Variants in GMDS observed in about 807,000 individuals in gnomAD.
GMDS encodes the protein GDP-mannose 4,6 dehydratase.
A neutral mutation model predicts 49.9 loss-of-function variants in GMDS; 20 were observed. The ratio of observed to expected loss-of-function variants is 0.40; its 90% confidence interval spans 0.28 to 0.58. GMDS has a LOEUF of 0.58. Among genes scored for constraint, GMDS ranks in the 20% least tolerant of loss-of-function variants. The probability of loss-of-function intolerance (pLI) is 0.42; values close to 1 mark genes in which losing one functional copy is unlikely to be tolerated. For missense variants in GMDS, 362 were observed against 481.4 expected, an observed-to-expected ratio of 0.75 and a Z score of 2.32; for synonymous variants, 177 against 178.6, an observed-to-expected ratio of 0.99 and a Z score of 0.07.
intron 4 of GMDS, among the ~76,000 whole-genome samples, chr6:2,039,820 C>T (rs1267053965): frequency 6.6e-6 from 1 of 152,070 alleles, no homozygotes; most frequent in Non-Finnish European, 1.5e-5. Context: ...TTAATATAAG[C>T]AGAAGCACAG....
At chr6:2,193,173 A>G (rs1779123505) in intron 1 of GMDS, among the ~76,000 whole-genome samples, 1 of 152,258 alleles carries the variant, frequency 6.6e-6, no homozygotes, top group South Asian at 2.1e-4. Context: ...AGACTTCTGC[A>G]TTCCTCACAA....
chr6:1,642,639 T>C (rs1218455355), intron 9 of GMDS, among the ~76,000 whole-genome samples: 1 of 152,238 alleles, frequency 6.6e-6, no homozygotes, highest in Non-Finnish European at 1.5e-5. Context: ...CGGGGTTCCA[T>C]GGTGACCATC....
chr6:2,069,193 C>T (rs1771821685), intron 4 of GMDS, among the ~76,000 whole-genome samples: 2 of 152,122 alleles, frequency 1.3e-5, no homozygotes, highest in Admixed American at 6.5e-5. Flanking sequence ...ATAAATGGTG[C>T]TGGGAAAACT....
At chr6:1,857,875 G>T (rs1758006585) in intron 7 of GMDS, among the ~76,000 whole-genome samples, 1 of 152,130 alleles carries the variant, frequency 6.6e-6, no homozygotes, top group Non-Finnish European at 1.5e-5. Context: ...TACTAAGGTA[G>T]TTGTCTATAA....
At chr6:1,695,926 T>C (rs935645119) in intron 9 of GMDS, among the ~76,000 whole-genome samples, 1 of 135,384 alleles carries the variant, frequency 7.4e-6, no homozygotes, top group Admixed American at 7.8e-5. Context: ...TTTTTTTCTT[T>C]TTTTTTTTTT....
intron 1 of GMDS, among the ~76,000 whole-genome samples, chr6:2,157,190 C>A (rs1203535306): frequency 1.3e-5 from 2 of 152,176 alleles, no homozygotes; most frequent in South Asian, 4.1e-4. Flanking sequence ...TACTTGACAT[C>A]TTATTAACAT....
chr6:1,697,730 T>C (rs1028957919), intron 9 of GMDS, among the ~76,000 whole-genome samples: 1 of 152,196 alleles, frequency 6.6e-6, no homozygotes, highest in Non-Finnish European at 1.5e-5. Flanking sequence ...GTGTTTCTGA[T>C]GCTTGTGCAA....
chr6:2,111,139 A>T (rs2127495606), intron 4 of GMDS, among the ~76,000 whole-genome samples: 1 of 152,304 alleles, frequency 6.6e-6, no homozygotes, highest in African/African-American at 2.4e-5. Flanking sequence ...GAAAATCCGG[A>T]CAGCAATTAA....
intron 6 of GMDS, among the ~76,000 whole-genome samples, chr6:1,950,308 A>G (rs1763277880): frequency 6.6e-6 from 1 of 152,186 alleles, no homozygotes; most frequent in Admixed American, 6.5e-5. Context: ...ATCAGTTCTA[A>G]CTGTTGTTTT....
intron 4 of GMDS, among the ~76,000 whole-genome samples, chr6:2,052,894 A>C (rs1770521130): frequency 1.3e-5 from 2 of 152,224 alleles, no homozygotes; most frequent in Admixed American, 1.3e-4. Context: ...GCCTCTGTCT[A>C]CACTAACACT....
At chr6:1,960,697 A>C (rs1763891099) in intron 5 of GMDS, 77 bp downstream of exon 5, 2 of 937,838 alleles carry the variant, frequency 2.1e-6, no homozygotes, top group African/African-American at 1.6e-5. Context: ...CATGAACAGA[A>C]TGAAAGGAAA....
At chr6:2,029,904 G>A (rs143013008) in intron 4 of GMDS, among the ~76,000 whole-genome samples, 146 of 152,276 alleles carry the variant, frequency 9.6e-4, no homozygotes, top group African/African-American at 3.3e-3. Flanking sequence ...TACAGGAGCA[G>A]CATGTAATAC....
chr6:1,773,363 G>A (rs970327444), intron 7 of GMDS, among the ~76,000 whole-genome samples: 10 of 151,636 alleles, frequency 6.6e-5, no homozygotes, highest in African/African-American at 2.4e-4. Flanking sequence ...GGTTATTAAC[G>A]AAAGCTCTGA....
At chr6:1,786,986 C>T (rs1212938227) in intron 7 of GMDS, among the ~76,000 whole-genome samples, 1 of 152,186 alleles carries the variant, frequency 6.6e-6, no homozygotes, top group Non-Finnish European at 1.5e-5. Context: ...GTACCCACAG[C>T]CAAGGGCCCA....
chr6:2,117,728 C>T (rs933799023), intron 2 of GMDS, among the ~76,000 whole-genome samples, 172 bp from the exon 3 acceptor site: 3 of 152,170 alleles, frequency 2.0e-5, no homozygotes, highest in Admixed American at 2.0e-4. Context: ...TACGAACATC[C>T]TACCTCTGTC....
At chr6:1,688,833 GTTTA>G (rs1346983622) in intron 9 of GMDS, among the ~76,000 whole-genome samples, 2 of 152,138 alleles carry the variant, frequency 1.3e-5, no homozygotes, top group Non-Finnish European at 2.9e-5. Context: ...AGGAATGTGA[GTTTA>G]TTTTATTTTT....
intron 1 of GMDS, among the ~76,000 whole-genome samples, chr6:2,229,595 C>T (rs1338703337): frequency 6.6e-6 from 1 of 151,940 alleles, no homozygotes; most frequent in Non-Finnish European, 1.5e-5. Flanking sequence ...GTAAATTTGC[C>T]TGTGACACCC....
chr6:1,960,927 C>A lies in GMDS; in HGVS notation c.385G>T (p.Gly129Ter). 6.3e-7 allele frequency: 1 copy of A among 1,593,972 alleles called. No homozygotes were observed. Among genetic ancestry groups the A allele is most frequent in the Non-Finnish European group, 8.6e-7 (1 of 1,164,622 alleles). The change falls in exon 5 of 11, where the codon GGA becomes TGA. Residue 129 changes from glycine (G) to a stop codon, truncating the protein, a stop_gained. Coordinates refer to ENST00000380815, the MANE Select transcript of GMDS (RefSeq NM_001500.4). LOFTEE classifies it high-confidence loss of function. ...TCTAGAAGTCGTAGAGTGCCAACTC[C>A]GTCAACGTCCGCAGTGTACTCAGCG... The part of the protein sequence containing the change: ...DLAEYTADVD[G>*]VGTLRLLDAV...
At chr6:2,159,062 T>C (rs947131205) in intron 1 of GMDS, among the ~76,000 whole-genome samples, 4 of 152,232 alleles carry the variant, frequency 2.6e-5, no homozygotes, top group African/African-American at 9.7e-5. Context: ...CTCAATTTTT[T>C]AGAATTGCGA....
Sources: gnomAD v4.1 joint callset for allele counts (sites outside exome capture counted in the v4.1 genomes callset) on GRCh38, gnomAD v4.1.1 for gene constraint, MANE v1.5 for transcripts, NCBI Gene and HGNC (gene_info 2026-07-23, HGNC 2026-07-21) for gene names.